Variants in AFF2 observed in about 807,000 individuals in gnomAD.
AFF2 encodes ALF transcription elongation factor 2, also known as AF4/FMR2 family member 2.
In AFF2, 14 loss-of-function variants were observed where a neutral mutation model predicts 76.9. The ratio of observed to expected loss-of-function variants is 0.18; its 90% confidence interval spans 0.12 to 0.28. AFF2 has a LOEUF of 0.28. Among genes scored for constraint, AFF2 ranks in the 10% least tolerant of loss-of-function variants. The probability of loss-of-function intolerance (pLI) is 1.00; values close to 1 mark genes in which losing one functional copy is unlikely to be tolerated. For synonymous variants in AFF2, 398 were observed against 366.7 expected (o/e 1.09, Z -0.98); for missense variants, 868 against 1,001.1 (o/e 0.87, Z 1.79).
chrX:148,975,138 T>C (rs1299829184), intron 16 of AFF2, among the ~76,000 whole-genome samples: 2 of 112,164 alleles, frequency 1.8e-5, no homozygotes, highest in Non-Finnish European at 3.8e-5. Context: ...GGAATGGAAA[T>C]TGATTATTGT....
intron 3 of AFF2, among the ~76,000 whole-genome samples, chrX:148,742,024 C>A (rs2055362111): frequency 9.0e-6 from 1 of 111,717 alleles, no homozygotes; most frequent in Non-Finnish European, 1.9e-5. Flanking sequence ...CAGGAGCAGT[C>A]TCCTTCCTTC....
chrX:148,520,902 C>T (rs2052589749), intron 1 of AFF2, among the ~76,000 whole-genome samples: 1 of 112,174 alleles, frequency 8.9e-6, no homozygotes, highest in East Asian at 2.8e-4. Flanking sequence ...TTTGTTTATG[C>T]TTACAATTAC....
At chrX:148,738,006 C>T (rs894722299) in intron 3 of AFF2, among the ~76,000 whole-genome samples, 5 of 110,973 alleles carry the variant, frequency 4.5e-5, no homozygotes, top group East Asian at 5.6e-4. Context: ...AATATGTTGT[C>T]GGATTCGGTT....
chrX:148,558,459 C>A (rs782349830), intron 1 of AFF2, among the ~76,000 whole-genome samples: 12 of 111,467 alleles, frequency 1.1e-4, no homozygotes, highest in African/African-American at 3.6e-4. Context: ...CTATTCGCAG[C>A]TAGTTCTGTC....
rs1266665424 is a variant in AFF2 at position 148,999,045 on chromosome X, C to T, written c.*7713C>T. The T allele has an allele frequency of 9.0e-6, 1 of 111,611 alleles. No homozygotes were observed. The highest frequency in any genetic ancestry group is 1.9e-5 in the Non-Finnish European group (1 of 53,146). 9.2% of individuals were successfully genotyped at this position (111,611 alleles called of 1,213,427 possible). On this transcript the variant is annotated 3_prime_UTR_variant, in exon 21 of 21. Transcript: ENST00000370460. Reference sequence around the variant, plus strand: ...ATGTTCATTGGGCCCTTTCACACCCCACAGTGATAAATGAAAAGGATAGAG... The same window carrying T: ...ATGTTCATTGGGCCCTTTCACACCCTACAGTGATAAATGAAAAGGATAGAG...
intron 1 of AFF2, among the ~76,000 whole-genome samples, chrX:148,593,486 G>A (rs782352627): frequency 1.5e-3 from 163 of 111,760 alleles, no homozygotes; most frequent in African/African-American, 5.1e-3. Flanking sequence ...ACCCTGTATA[G>A]GAATGTTTTC....
rs1301126602 is a variant in AFF2, at chrX:148,581,293, C to T, written c.48-70706C>T. ...ACACATATACACGTATATACGTATA[C>T]GTGTACACACATATACGTATACGTG... On this transcript the variant is annotated intron_variant, in intron 1 of 20. Transcript: ENST00000370460. 1.6e-3 allele frequency among the ~76,000 whole-genome samples: 139 copies of T among 88,229 alleles called. 1 individual carries two copies. The highest frequency in any genetic ancestry group is 2.5e-3 in the Non-Finnish European group (108 of 42,398). 76.6% of individuals were successfully genotyped at this position (88,229 alleles called of 115,157 possible). A position where few individuals can be genotyped will look rare whatever the true frequency, so the allele number is the denominator to read the frequency against.
intron 3 of AFF2, among the ~76,000 whole-genome samples, chrX:148,769,469 C>T (rs1190577307): frequency 3.6e-5 from 4 of 111,487 alleles, no homozygotes; most frequent in African/African-American, 1.3e-4. Context: ...TGTTCCCTAT[C>T]GATAAACTGT....
At chrX:148,833,970 A>C (rs2070488244) in intron 4 of AFF2, among the ~76,000 whole-genome samples, 1 of 112,139 alleles carries the variant, frequency 8.9e-6, no homozygotes, top group African/African-American at 3.2e-5. Context: ...CCTGTGGCAT[A>C]CCCAGCTTTC....
chrX:148,532,793 C>G (rs782025238), intron 1 of AFF2, among the ~76,000 whole-genome samples: 1 of 112,129 alleles, frequency 8.9e-6, no homozygotes, highest in East Asian at 2.8e-4. Flanking sequence ...CACAATGATT[C>G]TATCCAAATT....
intron 9 of AFF2, among the ~76,000 whole-genome samples, chrX:148,918,759 A>G (rs1267451082): frequency 8.9e-6 from 1 of 112,095 alleles, no homozygotes; most frequent in African/African-American, 3.2e-5. Flanking sequence ...TCTAGAGGCT[A>G]GAGGACAGAT....
intron 3 of AFF2, among the ~76,000 whole-genome samples, chrX:148,794,359 T>C (rs1159441109): frequency 8.9e-6 from 1 of 111,874 alleles, no homozygotes; most frequent in Non-Finnish European, 1.9e-5. Flanking sequence ...GAGGACAATT[T>C]TGAGGGCACA....
rs912745421 is a variant in AFF2, at chrX:148,812,924, C to T, written c.1086+3004C>T. On this transcript the variant is annotated intron_variant, in intron 4 of 20. Transcript: ENST00000370460. ...CAGGTCCACTTTTCTTTCTTTGCCC[C>T]CCTGGGCAAAGTGCTATAATATGCT... is the stretch of plus-strand genomic sequence containing the variant. 4.5e-5 allele frequency among the ~76,000 whole-genome samples: 5 copies of T among 112,113 alleles called. No homozygotes were observed. The South Asian group carries it at 1.9e-3, about 42-fold the overall frequency.
intron 3 of AFF2, among the ~76,000 whole-genome samples, chrX:148,760,203 AAC>A (rs782549256): frequency 1.8e-5 from 2 of 112,055 alleles, no homozygotes; most frequent in Non-Finnish European, 3.8e-5. Context: ...CGCCCAAGGT[AAC>A]AGTTACTATG....
chrX:148,768,578 A>G (rs782585391), intron 3 of AFF2, among the ~76,000 whole-genome samples: 25 of 111,589 alleles, frequency 2.2e-4, no homozygotes, highest in Non-Finnish European at 4.3e-4. Context: ...ATAAACACAC[A>G]TATTTGCAAG....
At chrX:148,720,722 T>C (rs1188421611) in intron 3 of AFF2, among the ~76,000 whole-genome samples, 1 of 111,984 alleles carries the variant, frequency 8.9e-6, no homozygotes, top group Non-Finnish European at 1.9e-5. Flanking sequence ...CTCCTACATC[T>C]TCATTCACAG....
chrX:148,807,118 T>C (rs782734664), intron 3 of AFF2, among the ~76,000 whole-genome samples: 1 of 112,255 alleles, frequency 8.9e-6, no homozygotes, highest in East Asian at 2.8e-4. Flanking sequence ...CCGACTCCAA[T>C]AGTCAGTCAT....
intron 1 of AFF2, among the ~76,000 whole-genome samples, chrX:148,623,600 A>AATATATATATATAT (rs782158598): frequency 0.019 from 1,906 of 101,367 alleles, 19 homozygotes; most frequent in South Asian, 0.055. Context: ...CAAACATTTG[A>AATATATATATATAT]ATATATATAT....
intron 3 of AFF2, chrX:148,719,033 A>G (rs2055059416): frequency 9.8e-7 from 1 of 1,025,136 alleles, no homozygotes; most frequent in Non-Finnish European, 1.3e-6. Flanking sequence ...ATTGTGACCT[A>G]GAATAAAGAA....
Sources: allele counts gnomAD v4.1 joint callset (sites outside exome capture counted in the v4.1 genomes callset), GRCh38; gene constraint gnomAD v4.1.1; transcripts MANE v1.5; gene names NCBI Gene and HGNC (gene_info 2026-07-23, HGNC 2026-07-21).